The following EYS variants were observed in gnomAD, a reference collection of about 807,000 sequenced individuals.
The protein encoded by EYS is protein eyes shut homolog.
Under a neutral mutation model 282.1 loss-of-function variants are expected in EYS, and 250 were observed. That is an observed-to-expected ratio of 0.89 (90% confidence interval 0.80 to 0.98). The LOEUF (loss-of-function observed/expected upper bound fraction) is 0.98. EYS is among the 50% of genes least tolerant of loss of function. The pLI is 0.00. For synonymous variants in EYS, 1,355 were observed against 1,282.9 expected, an observed-to-expected ratio of 1.06 and a Z score of -1.20; for missense variants, 4,016 against 3,709.0, an observed-to-expected ratio of 1.08 and a Z score of -2.15.
At chr6:64,971,142 T>G (rs1166850468) in intron 14 of EYS, among the ~76,000 whole-genome samples, 1 of 152,086 alleles carries the variant, frequency 6.6e-6, no homozygotes, top group Non-Finnish European at 1.5e-5. Context: ...GGCTTGATAA[T>G]TTTAGGAAGA....
intron 36 of EYS, chr6:63,857,565 A>G (rs1331316631): frequency 2.4e-5 from 7 of 293,312 alleles, no homozygotes; most frequent in African/African-American, 1.5e-4. Context: ...TAGAACTTTA[A>G]GTGTATGTTT....
chr6:64,730,368 G>A (rs1262937103), intron 22 of EYS, among the ~76,000 whole-genome samples: 1 of 152,212 alleles, frequency 6.6e-6, no homozygotes, highest in Non-Finnish European at 1.5e-5. Flanking sequence ...GAAATGACAA[G>A]ATAGATAGCA....
chr6:64,663,136 T>G (rs1266581907), intron 22 of EYS, among the ~76,000 whole-genome samples: 1 of 152,146 alleles, frequency 6.6e-6, no homozygotes, highest in Admixed American at 6.5e-5. Flanking sequence ...ATAATAGAAT[T>G]AGACTTCCCA....
chr6:65,261,058 C>T (rs939145378), intron 12 of EYS, among the ~76,000 whole-genome samples: 3 of 151,976 alleles, frequency 2.0e-5, no homozygotes, highest in African/African-American at 7.2e-5. Context: ...GAACTTTGCA[C>T]TTCACTGATC....
At chr6:65,210,259 A>G (rs903528853) in intron 12 of EYS, among the ~76,000 whole-genome samples, 5 of 152,006 alleles carry the variant, frequency 3.3e-5, no homozygotes, top group African/African-American at 1.2e-4. Context: ...TTTCACAGGC[A>G]TAATGTTTCA....
intron 2 of EYS, among the ~76,000 whole-genome samples, chr6:65,590,873 T>C (rs1185876266): frequency 6.6e-6 from 1 of 151,916 alleles, no homozygotes; most frequent in African/African-American, 2.4e-5. Context: ...TTTTTATCCA[T>C]TCTTCAGTTG....
At chr6:64,042,842 C>T (rs1770451572) in intron 33 of EYS, among the ~76,000 whole-genome samples, 1 of 152,102 alleles carries the variant, frequency 6.6e-6, no homozygotes, top group Non-Finnish European at 1.5e-5. Context: ...CCTTTGTCTC[C>T]GCATCCACCA....
At chr6:65,335,287 T>C (rs1769946655) in intron 10 of EYS, 141 bp from the exon 11 acceptor site, 1 of 700,186 alleles carries the variant, frequency 1.4e-6, no homozygotes. Flanking sequence ...AGGTAACTAT[T>C]GGACAAGGGT....
intron 31 of EYS, among the ~76,000 whole-genome samples, chr6:64,163,137 G>T (rs762703577): frequency 2.6e-5 from 4 of 151,998 alleles, no homozygotes; most frequent in Non-Finnish European, 4.4e-5. Flanking sequence ...AGAAACAATT[G>T]TTTTAACAGG....
chr6:64,660,561 G>A (rs2149887211), intron 22 of EYS, among the ~76,000 whole-genome samples: 1 of 152,232 alleles, frequency 6.6e-6, no homozygotes, highest in South Asian at 2.1e-4. Context: ...AAAGCCATGT[G>A]CAAAAATCAC....
intron 13 of EYS, among the ~76,000 whole-genome samples, chr6:65,005,860 C>A (rs1434858380): frequency 6.6e-6 from 1 of 152,224 alleles, no homozygotes; most frequent in African/African-American, 2.4e-5. Context: ...ATGCGTGCAC[C>A]CCTACCTTTC....
intron 26 of EYS, among the ~76,000 whole-genome samples, chr6:64,546,708 A>G (rs1000266602): frequency 6.6e-6 from 1 of 152,222 alleles, no homozygotes; most frequent in African/African-American, 2.4e-5. Flanking sequence ...AAAAGTGGGC[A>G]AAGGATATGA....
At chr6:63,824,281 A>T (rs114537180) in intron 36 of EYS, among the ~76,000 whole-genome samples, 1 of 152,198 alleles carries the variant, frequency 6.6e-6, no homozygotes, top group Non-Finnish European at 1.5e-5. Context: ...TATGAATTCA[A>T]TGTGATCTTA....
intron 12 of EYS, among the ~76,000 whole-genome samples, chr6:65,113,888 C>T (rs1198592617): frequency 6.6e-6 from 1 of 151,954 alleles, no homozygotes; most frequent in Admixed American, 6.6e-5. Flanking sequence ...TTTTCTAAAG[C>T]CAGATTCCTC....
intron 26 of EYS, among the ~76,000 whole-genome samples, chr6:64,556,567 T>A (rs893205443): frequency 6.6e-6 from 1 of 151,956 alleles, no homozygotes; most frequent in Non-Finnish European, 1.5e-5. Flanking sequence ...AAACTATACA[T>A]CTATCTAAAT....
chr6:64,745,902 AT>A (rs1174855027), intron 22 of EYS, among the ~76,000 whole-genome samples: 2 of 152,114 alleles, frequency 1.3e-5, no homozygotes, highest in Non-Finnish European at 2.9e-5. Context: ...ATCTCATTCC[AT>A]TTCATTGCAA....
intron 30 of EYS, among the ~76,000 whole-genome samples, chr6:64,231,860 TAATG>T (rs1043298062): frequency 1.3e-5 from 2 of 152,162 alleles, no homozygotes; most frequent in Admixed American, 1.3e-4. Flanking sequence ...CTTAATATAA[TAATG>T]AGATAATTAT....
intron 2 of EYS, among the ~76,000 whole-genome samples, chr6:65,579,393 T>C (rs771549903): frequency 6.6e-5 from 10 of 152,162 alleles, no homozygotes; most frequent in Non-Finnish European, 1.3e-4. Flanking sequence ...ATATTTACAA[T>C]ATATTTCTGG....
intron 14 of EYS, among the ~76,000 whole-genome samples, chr6:64,981,506 T>C (rs1770664716): frequency 6.6e-6 from 1 of 151,288 alleles, no homozygotes; most frequent in Admixed American, 6.6e-5. Context: ...TCTTACCTTC[T>C]TCTAACCACC....
Sources: allele counts gnomAD v4.1 joint callset (sites outside exome capture counted in the v4.1 genomes callset), GRCh38; gene constraint gnomAD v4.1.1; transcripts MANE v1.5; gene names NCBI Gene and HGNC (gene_info 2026-07-23, HGNC 2026-07-21).